Variants in LETM1 observed in about 807,000 individuals in gnomAD.
The protein encoded by LETM1 is leucine zipper and EF-hand containing transmembrane protein 1, also known as mitochondrial proton/calcium exchanger protein.
A neutral mutation model predicts 74.5 loss-of-function variants in LETM1; 50 were observed. The ratio of observed to expected loss-of-function variants is 0.67; its 90% CI spans 0.53 to 0.85. LETM1 has a LOEUF of 0.85. Ranked by LOEUF, LETM1 falls within the 40% of genes least tolerant of loss-of-function variation. The probability of loss-of-function intolerance (pLI) is 0.00; values close to 1 mark genes in which losing one functional copy is unlikely to be tolerated. For synonymous variants in LETM1, 446 were observed against 407.1 expected, an observed-to-expected ratio of 1.10 and a Z score of -1.15; for missense variants, 824 against 967.8, an observed-to-expected ratio of 0.85 and a Z score of 1.97.
chr4:1,816,950 T>TAAAAA, intron 11 of LETM1, 36 bp from the exon 12 acceptor site: 1 of 1,581,428 alleles, frequency 6.3e-7, no homozygotes, highest in South Asian at 1.1e-5. Flanking sequence ...AAGTTTGTCT[T>TAAAAA]AAAAGAAAAA....
intron 10 of LETM1, among the ~76,000 whole-genome samples, chr4:1,821,077 T>C (rs185948086): frequency 1.3e-3 from 201 of 152,156 alleles, no homozygotes; most frequent in African/African-American, 4.6e-3. Context: ...CATGTGATCA[T>C]GATTCTTTTT....
chr4:1,850,703 G>A (rs1486749746), intron 1 of LETM1, among the ~76,000 whole-genome samples: 2 of 149,892 alleles, frequency 1.3e-5, no homozygotes, highest in South Asian at 2.1e-4. Context: ...GGTGGCTCAC[G>A]CCTGTAATCC....
In LETM1 at chr4:1,834,159, CTG is replaced by C. The variant is rs1385292695; in HGVS notation, c.876+684_876+685del. The C allele has an allele frequency of 1.9e-5, 3 of 154,616 alleles. No individual in the cohort carries two copies. Among genetic ancestry groups the C allele is most frequent in the Admixed American group, 1.3e-4 (2 of 15,292 alleles). 9.6% of individuals were successfully genotyped at this position (154,616 alleles called of 1,614,324 possible). ...TTGCAGCCATGGAAACCACTCGCCTCTGTGCTGCAGCGGGAAAACCCCACAGA... is the reference window on the plus strand; with the variant it reads ...TTGCAGCCATGGAAACCACTCGCCTCTGCTGCAGCGGGAAAACCCCACAGA... On this transcript the variant is annotated intron_variant, in intron 5 of 13. Coordinates refer to ENST00000302787, the MANE Select transcript of LETM1 (RefSeq NM_012318.3). This position sits in a 1 kb window ranked among gnomAD's most constrained non-coding sequence, Gnocchi z 5.0.
rs376547370 is a variant in LETM1 at position 1,841,510 on chromosome 4, G to C, written c.431C>G (p.Pro144Arg). The C allele has an allele frequency of 2.5e-6, 4 of 1,614,210 alleles. No homozygotes were observed. Among genetic ancestry groups the C allele is most frequent in the Non-Finnish European group, 3.4e-6 (4 of 1,180,036 alleles). The change falls in exon 3 of 14, where the codon CCC becomes CGC. Residue 144 changes from proline to arginine, a missense_variant. Coordinates refer to ENST00000302787, the MANE Select transcript of LETM1 (RefSeq NM_012318.3). Reference protein sequence around the residue: ...LEEGGPVYSPPAEVVVKKSLG... With the variant: ...LEEGGPVYSPRAEVVVKKSLG... ...GGACTTCTTCACCACCACCTCTGCG[G>C]GGGGGCTGTACACCGGGCCGCCTTC... is the stretch of plus-strand genomic sequence containing the variant.
rs1722484861 is a variant in LETM1 at position 1,812,058 on chromosome 4, G to T, written c.*2366C>A. 6.6e-6 allele frequency: 1 copy of T among 152,132 alleles called. No individual in the cohort carries two copies. The highest frequency in any genetic ancestry group is 1.5e-5 in the Non-Finnish European group (1 of 68,048). 9.4% of individuals were successfully genotyped at this position (152,132 alleles called of 1,614,324 possible). A position where few individuals can be genotyped will look rare whatever the true frequency, so the allele number is the denominator to read the frequency against. On this transcript the variant is annotated 3_prime_UTR_variant, in exon 14 of 14. Transcript: ENST00000302787. ...ATAAAAATACAAAAAAATTAGCCAG[G>T]TGTGGTGGCGGGTGCTTGTAGTCCT...
In LETM1 at chr4:1,825,577, C is replaced by T. The variant is rs1392311634; in HGVS notation, c.1187G>A (p.Gly396Asp). 6.2e-7 allele frequency: 1 copy of T among 1,613,048 alleles called. No individual in the cohort carries two copies. Among genetic ancestry groups the T allele is most frequent in the Non-Finnish European group, 8.5e-7 (1 of 1,179,210 alleles). Residue 396 changes from glycine (G) to aspartate (D), a missense_variant, in exon 7 of 14, where the codon GGT becomes GAT. Gly to Asp is a moderately conservative substitution (Grantham distance 94, BLOSUM62 -1). This residue lies in a region of LETM1 where 269 missense variants were observed against 348.8 expected (regional missense o/e 0.77). Transcript: ENST00000302787. Reference protein sequence around the residue: ...ALGVTEDRLRGQLKQWLDLHL... With the variant: ...ALGVTEDRLRDQLKQWLDLHL... The stretch of plus-strand genomic sequence containing the variant: ...ATATTCACGCACCTGCTTCAGCTGA[C>T]CCCTCAGGCGGTCTTCCGTGACGCC...
intron 1 of LETM1, among the ~76,000 whole-genome samples, chr4:1,855,492 G>C (rs1457497435): frequency 1.3e-5 from 2 of 152,254 alleles, no homozygotes. Context: ...TGCCCACCCA[G>C]TCTCGTCTCC....
chr4:1,845,485 A>G (rs1269005769), intron 2 of LETM1, among the ~76,000 whole-genome samples: 3 of 152,262 alleles, frequency 2.0e-5, no homozygotes, highest in Middle Eastern at 6.8e-3. Context: ...TGACCAAATA[A>G]AAAGTAAAAT....
intron 6 of LETM1, among the ~76,000 whole-genome samples, chr4:1,830,358 G>A (rs1489690109): frequency 6.6e-6 from 1 of 152,176 alleles, no homozygotes; most frequent in African/African-American, 2.4e-5. Flanking sequence ...TTGAGAGACA[G>A]TCTCCCTCTG....
At chr4:1,816,368 C>A (rs1462763627) in intron 12 of LETM1, among the ~76,000 whole-genome samples, 1 of 152,206 alleles carries the variant, frequency 6.6e-6, no homozygotes, top group Non-Finnish European at 1.5e-5. Flanking sequence ...ACAGAGAAGG[C>A]CGACTGCCCG....
intron 6 of LETM1, among the ~76,000 whole-genome samples, chr4:1,828,821 C>G (rs1712134532): frequency 1.5e-5 from 2 of 137,410 alleles, no homozygotes; most frequent in South Asian, 2.4e-4. Context: ...GCTGACCCCC[C>G]CCACCTCCCT....
intron 1 of LETM1, among the ~76,000 whole-genome samples, chr4:1,854,527 C>T (rs1447524517): frequency 6.6e-6 from 1 of 150,810 alleles, no homozygotes; most frequent in Non-Finnish European, 1.5e-5. Context: ...GGCGCGGTGG[C>T]TCACGCCTGT....
At chr4:1,835,027 GGTTC>G (rs749157821) in intron 4 of LETM1, 45 bp from the exon 5 acceptor site, 2 of 1,593,028 alleles carry the variant, frequency 1.3e-6, no homozygotes, top group Non-Finnish European at 1.7e-6. Context: ...CTCAGACTGT[GGTTC>G]GGGCAAGGAA....
At chr4:1,837,749 G>A (rs1712507405) in intron 3 of LETM1, among the ~76,000 whole-genome samples, 1 of 147,708 alleles carries the variant, frequency 6.8e-6, no homozygotes, top group African/African-American at 2.5e-5. Context: ...TGTCACCCAG[G>A]CTGGAGTGCA....
At chr4:1,822,549 C>G in intron 9 of LETM1, 1 of 382,736 alleles carries the variant, frequency 2.6e-6, no homozygotes, top group Non-Finnish European at 4.5e-6. Flanking sequence ...CCCCAAGACT[C>G]CCCCAAGCTG....
intron 6 of LETM1, among the ~76,000 whole-genome samples, chr4:1,828,657 G>A (rs1188056545): frequency 8.1e-5 from 11 of 135,264 alleles, no homozygotes; most frequent in East Asian, 2.4e-4. Context: ...CCCACCTCCC[G>A]GACGGGGCAG....
chr4:1,825,620 G>C lies in LETM1; in HGVS notation c.1144C>G (p.Arg382Gly). Residue 382 changes from arginine (R) to glycine (G), a missense_variant, in exon 7 of 14, where the codon CGA (arginine) becomes GGA (glycine). Transcript: ENST00000302787. Reference protein sequence around the residue: ...VKELQAACRARGMRALGVTED... With the variant: ...VKELQAACRAGGMRALGVTED... ...GTGACGCCCAGGGCCCGCATGCCTCGTGCCCGACACGCTGCCTGCAGCTCC... is the reference window on the plus strand; with the variant it reads ...GTGACGCCCAGGGCCCGCATGCCTCCTGCCCGACACGCTGCCTGCAGCTCC... 1 of 1,614,008 alleles carries C rather than the reference G, an allele frequency of 6.2e-7. No individual in the cohort carries two copies. Among genetic ancestry groups the C allele is most frequent in the East Asian group, 2.2e-5 (1 of 44,882 alleles).
intron 3 of LETM1, among the ~76,000 whole-genome samples, chr4:1,840,015 G>T (rs1189915723): frequency 6.6e-6 from 1 of 151,986 alleles, no homozygotes; most frequent in Admixed American, 6.6e-5. Flanking sequence ...GGTGGGGGTG[G>T]GTGTCACACC....
Position 1,841,751 on chromosome 4 carries a change from A to G in LETM1, c.190T>C (p.Ser64Pro). Residue 64 changes from serine (S) to proline (P), a missense_variant, in exon 3 of 14, where the codon TCC becomes CCC. Physicochemically the swap from Ser to Pro is moderately conservative, Grantham distance 74 (BLOSUM62 -1). This residue lies in a region of LETM1 where 222 missense variants were observed against 195.6 expected (regional missense o/e 1.14). Transcript: ENST00000302787. ...CAGCCGAGGTGATCGCCTCTGGAGG[A>G]TGTGTACACAGGGTGGATGGGAGTG... ...CCTPIHPVYT[S>P]SRGDHLGCWA... The G allele has an allele frequency of 6.2e-7, 1 of 1,613,958 alleles. No homozygotes were observed. Among genetic ancestry groups the G allele is most frequent in the Non-Finnish European group, 8.5e-7 (1 of 1,180,002 alleles).
Sources: gnomAD v4.1 joint callset for allele counts (sites outside exome capture counted in the v4.1 genomes callset) on GRCh38, gnomAD v4.1.1 for gene constraint, gnomAD v4.1.1 regional missense constraint, Gnocchi (gnomAD v3.1) non-coding constraint, MANE v1.5 for transcripts, NCBI Gene and HGNC (gene_info 2026-07-23, HGNC 2026-07-21) for gene names.